Variants in NCAM2 observed in about 807,000 individuals in gnomAD.
NCAM2 encodes the protein neural cell adhesion molecule 2, also known as N-CAM-2.
NCAM2 carries 30 observed loss-of-function variants against 98.1 expected under a neutral mutation model. The ratio of observed to expected loss-of-function variants is 0.31; its 90% CI spans 0.23 to 0.41. The LOEUF is 0.41. Among genes scored for constraint, NCAM2 ranks in the 10% least tolerant of loss-of-function variants. NCAM2 has a pLI of 1.00. For missense variants in NCAM2, 867 were observed against 1,005.8 expected, an observed-to-expected ratio of 0.86 and a Z score of 1.87; for synonymous variants, 368 against 342.4, an observed-to-expected ratio of 1.07 and a Z score of -0.83.
At chr21:21,221,824 T>G (rs2070178866) in intron 1 of NCAM2, among the ~76,000 whole-genome samples, 1 of 152,084 alleles carries the variant, frequency 6.6e-6, no homozygotes, top group Admixed American at 6.6e-5. Flanking sequence ...AACAACACAT[T>G]CTCAGTGTAG....
intron 15 of NCAM2, among the ~76,000 whole-genome samples, chr21:21,492,716 T>G (rs543061213): frequency 3.9e-4 from 60 of 152,052 alleles, no homozygotes; most frequent in Non-Finnish European, 6.3e-4. Flanking sequence ...GTAAATAGTT[T>G]CAACACTTAC....
At chr21:21,027,297 T>G (rs1362550405) in intron 1 of NCAM2, among the ~76,000 whole-genome samples, 1 of 152,258 alleles carries the variant, frequency 6.6e-6, no homozygotes, top group Non-Finnish European at 1.5e-5. Flanking sequence ...CATGTATTTA[T>G]TTATTTTAAA....
In NCAM2 at chr21:21,007,600, C is replaced by T. The variant is rs147006585; in HGVS notation, c.55+8982C>T. ...CTTTTTAGATGATATAAGGTAACTT[C>T]CACAAGTTTCCATGACATCTGTAAA... is the stretch of plus-strand genomic sequence containing the variant. On this transcript the variant is annotated intron_variant, in intron 1 of 17. Coordinates refer to ENST00000400546, the MANE Select transcript of NCAM2 (RefSeq NM_004540.5). 9.0e-3 allele frequency among the ~76,000 whole-genome samples: 1,375 copies of T among 152,218 alleles called. 29 individuals are homozygous for T. Among genetic ancestry groups the T allele is most frequent in the Admixed American group, 0.044 (677 of 15,268 alleles).
chr21:21,228,391 A>G (rs2070476240), intron 1 of NCAM2, among the ~76,000 whole-genome samples: 1 of 151,606 alleles, frequency 6.6e-6, no homozygotes, highest in South Asian at 2.1e-4. Context: ...TCTTGAATAT[A>G]TAATTTGTGT....
At chr21:21,116,327 G>A (rs1407842331) in intron 1 of NCAM2, among the ~76,000 whole-genome samples, 1 of 152,058 alleles carries the variant, frequency 6.6e-6, no homozygotes, top group Non-Finnish European at 1.5e-5. Context: ...GATCCCATGA[G>A]AGATTATATA....
chr21:21,204,295 A>G (rs1383006588), intron 1 of NCAM2, among the ~76,000 whole-genome samples: 1 of 152,076 alleles, frequency 6.6e-6, no homozygotes, highest in Non-Finnish European at 1.5e-5. Context: ...AAAAATATAA[A>G]TATTATTATT....
At chr21:21,452,454 G>A (rs75099988) in intron 12 of NCAM2, among the ~76,000 whole-genome samples, 2 of 139,012 alleles carry the variant, frequency 1.4e-5, no homozygotes, top group African/African-American at 2.7e-5. Context: ...TGTCGGGGGG[G>A]AAGATGTATT....
At chr21:21,059,838 T>C (rs2065286161) in intron 1 of NCAM2, among the ~76,000 whole-genome samples, 1 of 152,030 alleles carries the variant, frequency 6.6e-6, no homozygotes, top group Non-Finnish European at 1.5e-5. Context: ...CTGCTAAATA[T>C]GCTACAGGGA....
In NCAM2 at chr21:21,123,848, C is replaced by CTTTTTTTTTTTTTTT. The variant is rs71193401; in HGVS notation, c.55+125233_55+125247dup. Among the ~76,000 whole-genome samples, 364 of 86,660 alleles carry CTTTTTTTTTTTTTTT rather than the reference C, an allele frequency of 4.2e-3. 38 individuals are homozygous for CTTTTTTTTTTTTTTT. The highest frequency in any genetic ancestry group is 4.7e-3 in the Non-Finnish European group (233 of 49,646). 56.9% of individuals were successfully genotyped at this position (86,660 alleles called of 152,430 possible). A position where few individuals can be genotyped will look rare whatever the true frequency, so the allele number is the denominator to read the frequency against. On this transcript the variant is annotated intron_variant, in intron 1 of 17. Coordinates refer to ENST00000400546, the MANE Select transcript of NCAM2 (RefSeq NM_004540.5). ...GCACATTTGAATTCATTCTTGATTG[C>CTTTTTTTTTTTTTTT]TTTTTTTTTTTTTTTTTGAGACGGA... is the stretch of plus-strand genomic sequence containing the variant.
intron 16 of NCAM2, among the ~76,000 whole-genome samples, chr21:21,512,073 CT>C (rs1988421373): frequency 6.6e-6 from 1 of 151,736 alleles, no homozygotes; most frequent in African/African-American, 2.4e-5. Flanking sequence ...TAATTGTTTC[CT>C]TTAGTGTTCA....
At chr21:21,475,198 C>T (rs1021312291) in intron 14 of NCAM2, among the ~76,000 whole-genome samples, 1 of 152,030 alleles carries the variant, frequency 6.6e-6, no homozygotes, top group African/African-American at 2.4e-5. Flanking sequence ...TTGTCATTAA[C>T]TCAATTAGGA....
chr21:21,078,448 A>T (rs2065726127), intron 1 of NCAM2, among the ~76,000 whole-genome samples: 1 of 152,204 alleles, frequency 6.6e-6, no homozygotes, highest in Non-Finnish European at 1.5e-5. Flanking sequence ...TCAGATGTGT[A>T]AAAAATGTCA....
intron 8 of NCAM2, among the ~76,000 whole-genome samples, chr21:21,341,977 T>A (rs2075054061): frequency 6.6e-6 from 1 of 151,830 alleles, no homozygotes; most frequent in Non-Finnish European, 1.5e-5. Context: ...AAAAAAGGAG[T>A]GGTTAGGAAG....
At chr21:21,099,136 A>C (rs1411560477) in intron 1 of NCAM2, among the ~76,000 whole-genome samples, 1 of 151,312 alleles carries the variant, frequency 6.6e-6, no homozygotes, top group Admixed American at 6.6e-5. Context: ...AATGAAACAA[A>C]ATGAATGAGT....
chr21:21,472,368 G>A (rs80034936), intron 14 of NCAM2, among the ~76,000 whole-genome samples: 1,537 of 151,982 alleles, frequency 0.01, 31 homozygotes, highest in African/African-American at 0.035. Flanking sequence ...TAATAAATAA[G>A]TAAAATCAAG....
At chr21:21,473,903 C>CAAA (rs5842929) in intron 14 of NCAM2, among the ~76,000 whole-genome samples, 2,900 of 136,208 alleles carry the variant, frequency 0.021, 94 homozygotes, top group African/African-American at 0.075. Flanking sequence ...ATTTTCTGAC[C>CAAA]AAAAAAAAAA....
chr21:21,211,324 G>A (rs1333109018), intron 1 of NCAM2, among the ~76,000 whole-genome samples: 1 of 152,082 alleles, frequency 6.6e-6, no homozygotes, highest in Non-Finnish European at 1.5e-5. Flanking sequence ...ACCAGGAATT[G>A]TGATACTTCA....
chr21:21,105,496 A>G (rs1341158456), intron 1 of NCAM2, among the ~76,000 whole-genome samples: 1 of 152,092 alleles, frequency 6.6e-6, no homozygotes, highest in Non-Finnish European at 1.5e-5. Flanking sequence ...ACTGGCCATA[A>G]ATATGGGTAT....
At chr21:21,035,624 A>G (rs2146240225) in intron 1 of NCAM2, among the ~76,000 whole-genome samples, 1 of 152,278 alleles carries the variant, frequency 6.6e-6, no homozygotes, top group East Asian at 1.9e-4. Context: ...TTATGTGTCC[A>G]GTTTTTTTTC....
Sources: allele counts gnomAD v4.1 joint callset (sites outside exome capture counted in the v4.1 genomes callset), GRCh38; gene constraint gnomAD v4.1.1; transcripts MANE v1.5; gene names NCBI Gene and HGNC (gene_info 2026-07-23, HGNC 2026-07-21).